The following CMKLR2 variants were observed in gnomAD, a reference collection of about 807,000 sequenced individuals.
The protein encoded by CMKLR2 is chemerin chemokine-like receptor 2, also known as chemerin-like receptor 2.
Under a neutral mutation model 23.0 loss-of-function variants are expected in CMKLR2, and 18 were observed. That is an observed-to-expected ratio of 0.78 (90% CI 0.54 to 1.16). CMKLR2 has a LOEUF of 1.16. Ranked by LOEUF, CMKLR2 falls within the 50% of genes most tolerant of loss-of-function variation. CMKLR2 has a pLI of 0.00. For missense variants in CMKLR2, 401 were observed against 412.7 expected (o/e 0.97, Z 0.25); for synonymous variants, 158 against 158.9 (o/e 0.99, Z 0.05).
At chr2:206,197,502 T>C (rs1688959104) in intron 1 of CMKLR2, among the ~76,000 whole-genome samples, 1 of 152,168 alleles carries the variant, frequency 6.6e-6, no homozygotes, top group South Asian at 2.1e-4. Context: ...CCCAGTATCT[T>C]GCTGTAATCA....
chr2:206,210,150 G>C (rs1689500073), intron 1 of CMKLR2, among the ~76,000 whole-genome samples: 1 of 151,494 alleles, frequency 6.6e-6, no homozygotes, highest in Non-Finnish European at 1.5e-5. Context: ...TTTTAGTAGA[G>C]ACGGGGTTTC....
chr2:206,192,908 C>T (rs1688798937), intron 1 of CMKLR2, among the ~76,000 whole-genome samples: 1 of 152,022 alleles, frequency 6.6e-6, no homozygotes, highest in Non-Finnish European at 1.5e-5. Context: ...CACATCATTC[C>T]ATATACTTTA....
chr2:206,185,625 G>A (rs1688554952), intron 1 of CMKLR2, among the ~76,000 whole-genome samples: 1 of 152,194 alleles, frequency 6.6e-6, no homozygotes, highest in African/African-American at 2.4e-5. Context: ...TCTTTCTGCT[G>A]TGTTGAGAAT....
chr2:206,211,740 C>CA (rs1374235718), intron 1 of CMKLR2, among the ~76,000 whole-genome samples: 1 of 98,930 alleles, frequency 1.0e-5, no homozygotes, highest in Non-Finnish European at 2.2e-5. Context: ...TAAAACAAAA[C>CA]AAAAAACAAA....
At chr2:206,188,630 G>C (rs1688655090) in intron 1 of CMKLR2, among the ~76,000 whole-genome samples, 1 of 152,172 alleles carries the variant, frequency 6.6e-6, no homozygotes, top group African/African-American at 2.4e-5. Context: ...CCTCTATGAA[G>C]TCTCTGGTTT....
rs537012070 is a variant in CMKLR2, at chr2:206,206,498, G to A, written c.-29+6809C>T. The stretch of plus-strand genomic sequence containing the variant: ...TGGTTTTGGAATTAAAGAGAAAATC[G>A]CGAGCTCTTCTAAAAGGTAAGCGGT... On this transcript the variant is annotated intron_variant, in intron 1 of 1. Transcript: ENST00000621141. 9.2e-5 allele frequency among the ~76,000 whole-genome samples: 14 copies of A among 152,252 alleles called. 1 individual carries two copies. In the South Asian group the frequency reaches 2.1e-3, roughly 23 times the overall value.
rs185631074 is a variant in CMKLR2 at position 206,177,262 on chromosome 2, G to A, written c.-15C>T. On this transcript the variant is annotated 5_prime_UTR_variant, in exon 2 of 2. Coordinates refer to ENST00000621141, the MANE Select transcript of CMKLR2 (RefSeq NM_001389445.1). ...AAATCTTCCATGACCTTGCTAAATG[G>A]AGAATGAAGAAATCTGTAGAAGCAA... 3 of 1,471,456 alleles carry A rather than the reference G, an allele frequency of 2.0e-6. No individual in the cohort carries two copies. In the African/African-American group the frequency reaches 4.2e-5, roughly 21 times the overall value. 91.1% of individuals were successfully genotyped at this position (1,471,456 alleles called of 1,614,324 possible).
intron 1 of CMKLR2, among the ~76,000 whole-genome samples, chr2:206,192,310 T>A (rs2359161): frequency 0.13 from 19,574 of 149,652 alleles, 1,474 homozygotes; most frequent in East Asian, 0.26. Flanking sequence ...TTATTTATTT[T>A]TTTTTTATTT....
At chr2:206,215,386 A>C (rs901575965), upstream of CMKLR2, among the ~76,000 whole-genome samples, 1 of 152,146 alleles carries the variant, frequency 6.6e-6, no homozygotes, top group African/African-American at 2.4e-5. Flanking sequence ...AATCTCAGGA[A>C]GTTTTGGTTA....
intron 1 of CMKLR2, among the ~76,000 whole-genome samples, chr2:206,181,853 G>A (rs1296661527): frequency 1.3e-5 from 2 of 148,736 alleles, no homozygotes; most frequent in African/African-American, 5.0e-5. Flanking sequence ...TTGGGAGGCT[G>A]AGACAGGAGA....
chr2:206,210,686 C>T (rs1471632745), intron 1 of CMKLR2, among the ~76,000 whole-genome samples: 1 of 151,986 alleles, frequency 6.6e-6, no homozygotes, highest in Non-Finnish European at 1.5e-5. Flanking sequence ...GTCTCAAACT[C>T]CCGAACTCAG....
chr2:206,191,669 CTT>C (rs66802286), intron 1 of CMKLR2, among the ~76,000 whole-genome samples: 132 of 128,930 alleles, frequency 1.0e-3, no homozygotes, highest in African/African-American at 2.7e-3. Context: ...ACTTCTCTTT[CTT>C]TTTTTTTTTT....
chr2:206,203,142 C>G (rs1036939111), intron 1 of CMKLR2, among the ~76,000 whole-genome samples: 6 of 140,688 alleles, frequency 4.3e-5, no homozygotes, highest in African/African-American at 1.3e-4. Context: ...ATGGTGAAAC[C>G]CAGTCTCTTC....
chr2:206,197,034 C>T (rs943128766), intron 1 of CMKLR2, among the ~76,000 whole-genome samples: 15 of 152,106 alleles, frequency 9.9e-5, no homozygotes, highest in Admixed American at 3.9e-4. Context: ...CTCAGCCTTC[C>T]GAGTAGCTGG....
In CMKLR2 at chr2:206,213,362, G is replaced by C. The variant is rs1689639550; in HGVS notation, c.-84C>G. On this transcript the variant is annotated 5_prime_UTR_variant, in exon 1 of 2. Coordinates refer to ENST00000621141, the MANE Select transcript of CMKLR2 (RefSeq NM_001389445.1). ...TGTCATGCCTGGGTGTACCTTCCCG[G>C]TTCCAGAATGAAATGGAGGGTGGTG... The C allele has an allele frequency of 1.3e-5, 2 of 152,204 alleles. No homozygotes were observed. The highest frequency in any genetic ancestry group is 6.5e-5 in the Admixed American group (1 of 15,270). The allele number at this position is 152,204 out of a possible 1,614,324, so 9.4% of individuals were successfully genotyped here.
chr2:206,217,160 A>T (rs1430510071), upstream of CMKLR2, among the ~76,000 whole-genome samples: 1 of 152,218 alleles, frequency 6.6e-6, no homozygotes, highest in Non-Finnish European at 1.5e-5. Flanking sequence ...TTTCTTACAA[A>T]GAAGCTGATT....
intron 1 of CMKLR2, among the ~76,000 whole-genome samples, chr2:206,206,917 C>CCCTTTT (rs34198269): frequency 7.9e-6 from 1 of 126,154 alleles, no homozygotes; most frequent in African/African-American, 3.0e-5. Context: ...CCCCCTGCCC[C>CCCTTTT]TTTTTTTTTT....
chr2:206,203,689 AT>A, intron 1 of CMKLR2: 1 of 152,160 alleles, frequency 6.6e-6, no homozygotes, highest in Non-Finnish European at 1.5e-5. Flanking sequence ...TAAGTACGCC[AT>A]TTTCCCGAGT....
At chr2:206,184,286 T>TTC (rs755461051) in intron 1 of CMKLR2, among the ~76,000 whole-genome samples, 58 of 149,976 alleles carry the variant, frequency 3.9e-4, no homozygotes, top group Non-Finnish European at 6.2e-4. Context: ...AAAACCCCAT[T>TTC]TCTCTCTCTC....
Sources: allele counts gnomAD v4.1 joint callset (sites outside exome capture counted in the v4.1 genomes callset), GRCh38; gene constraint gnomAD v4.1.1; transcripts MANE v1.5; gene names NCBI Gene and HGNC (gene_info 2026-07-23, HGNC 2026-07-21).